XIRP2: variants seen among roughly 807,000 people sequenced by gnomAD.
The protein encoded by XIRP2 is xin actin-binding repeat-containing protein 2.
XIRP2 carries 236 observed loss-of-function variants against 277.0 expected under a neutral mutation model. The observed-to-expected ratio is 0.85, with a 90% CI of 0.77 to 0.95. The LOEUF (loss-of-function observed/expected upper bound fraction) is 0.95. XIRP2 is among the 40% of genes least tolerant of loss of function. The probability of loss-of-function intolerance (pLI) is 0.00; values close to 1 mark genes in which losing one functional copy is unlikely to be tolerated. For synonymous variants in XIRP2, 1,490 were observed against 1,416.5 expected (o/e 1.05, Z -1.17); for missense variants, 4,640 against 4,157.5 (o/e 1.12, Z -3.19).
intron 2 of XIRP2, among the ~76,000 whole-genome samples, chr2:167,122,169 C>G (rs1691074149): frequency 6.6e-6 from 1 of 152,146 alleles, no homozygotes; most frequent in Admixed American, 6.6e-5. Context: ...CCTCCCTGAA[C>G]AGTCTTTCTT....
chr2:166,934,240 T>C (rs1038894762), intron 2 of XIRP2, among the ~76,000 whole-genome samples: 4 of 149,862 alleles, frequency 2.7e-5, no homozygotes, highest in East Asian at 2.0e-4. Context: ...TCTCTCTTGC[T>C]TGCTTTGAAG....
At chr2:167,033,718 AATGGC>A (rs1212765068) in intron 2 of XIRP2, among the ~76,000 whole-genome samples, 1 of 152,158 alleles carries the variant, frequency 6.6e-6, no homozygotes, top group African/African-American at 2.4e-5. Flanking sequence ...GCCAAGAGAG[AATGGC>A]ATGACATATA....
At chr2:167,219,549 A>G (rs752578233) in intron 5 of XIRP2, among the ~76,000 whole-genome samples, 54 of 152,224 alleles carry the variant, frequency 3.5e-4, no homozygotes, top group Non-Finnish European at 7.3e-5. Flanking sequence ...GCTACTTTTC[A>G]GGGTTACACA....
chr2:167,105,788 C>T (rs1690602286), intron 2 of XIRP2, among the ~76,000 whole-genome samples: 2 of 151,894 alleles, frequency 1.3e-5, no homozygotes, highest in Admixed American at 1.3e-4. Flanking sequence ...ATAAGTGATC[C>T]AGTTTTTCCA....
intron 2 of XIRP2, among the ~76,000 whole-genome samples, chr2:167,099,154 C>G (rs187660002): frequency 3.3e-5 from 5 of 152,294 alleles, no homozygotes; most frequent in Admixed American, 6.5e-5. Flanking sequence ...GGAGGTTTAT[C>G]TATAAGCTCC....
At chr2:167,134,419 AT>A (rs1691480674) in intron 2 of XIRP2, among the ~76,000 whole-genome samples, 1 of 151,992 alleles carries the variant, frequency 6.6e-6, no homozygotes, top group Non-Finnish European at 1.5e-5. Flanking sequence ...TTTTCTAACC[AT>A]AGCAAAGACA....
intron 2 of XIRP2, among the ~76,000 whole-genome samples, chr2:166,962,507 A>ATTATGTATGAGG (rs1391986776): frequency 6.6e-6 from 1 of 151,742 alleles, no homozygotes; most frequent in Non-Finnish European, 1.5e-5. Context: ...TACATCTATA[A>ATTATGTATGAGG]CAGCAAATTA....
chr2:167,007,789 T>C (rs1408391841), intron 2 of XIRP2, among the ~76,000 whole-genome samples: 4 of 150,712 alleles, frequency 2.7e-5, no homozygotes, highest in Admixed American at 6.7e-5. Flanking sequence ...CAGAATCTAA[T>C]AGAAGATATA....
In XIRP2 at chr2:167,245,092, G is replaced by A. The variant is rs1328014586; in HGVS notation, c.3700G>A (p.Gly1234Ser). 1 of 1,610,278 alleles carries A rather than the reference G, an allele frequency of 6.2e-7. No individual in the cohort carries two copies. Among genetic ancestry groups the A allele is most frequent in the South Asian group, 1.1e-5 (1 of 90,046 alleles). ...CTTAAAAACTGAAGATATTCAGAAA[G>A]GCAATGTTTTAAATTGTAGGTGGCT... ...KTLKTEDIQK[G>S]NVLNCRWLFE... Residue 1234 changes from glycine (G) to serine (S), a missense_variant, in exon 9 of 11, where the codon GGC becomes AGC. Transcript: ENST00000409195.
intron 5 of XIRP2, among the ~76,000 whole-genome samples, chr2:167,237,424 G>A (rs185412509): frequency 1.3e-5 from 2 of 151,798 alleles, no homozygotes; most frequent in Non-Finnish European, 2.9e-5. Context: ...TACCAGACAA[G>A]TTTTGTTGCT....
intron 2 of XIRP2, among the ~76,000 whole-genome samples, chr2:166,964,696 T>G (rs1171244533): frequency 6.6e-6 from 1 of 151,924 alleles, no homozygotes; most frequent in Non-Finnish European, 1.5e-5. Flanking sequence ...CCTCGAATTT[T>G]GTTGTATTTG....
intron 2 of XIRP2, among the ~76,000 whole-genome samples, chr2:166,932,494 T>C (rs1456737454): frequency 6.6e-6 from 1 of 152,202 alleles, no homozygotes; most frequent in East Asian, 1.9e-4. Context: ...GGATTACAGG[T>C]ATGAGCCATG....
intron 3 of XIRP2, among the ~76,000 whole-genome samples, chr2:167,192,162 CA>C (rs1371637246): frequency 6.6e-6 from 1 of 151,566 alleles, no homozygotes; most frequent in African/African-American, 2.4e-5. Context: ...TTTTGAATAG[CA>C]ATACTATACT....
Position 167,243,115 on chromosome 2 carries a change from C to T in XIRP2, c.1723C>T (p.Gln575Ter). ...GGATGAAATTCTGAAGGGAGAGGTG[C>T]AGTCCATTAGATGGATCTTTGAGAA... ...EWDEILKGEV[Q>*]SIRWIFENQP... The change falls in exon 9 of 11, where the codon CAG becomes TAG. Residue 575 changes from glutamine (Q) to a stop codon, truncating the protein, a stop_gained. Coordinates refer to ENST00000409195, the MANE Select transcript of XIRP2 (RefSeq NM_152381.6). LOFTEE classifies it high-confidence loss of function. 5.0e-6 allele frequency: 8 copies of T among 1,614,042 alleles called. No individual in the cohort carries two copies. Among genetic ancestry groups the T allele is most frequent in the Non-Finnish European group, 5.1e-6 (6 of 1,179,972 alleles).
intron 3 of XIRP2, among the ~76,000 whole-genome samples, chr2:167,153,926 T>C (rs1188866260): frequency 1.3e-5 from 2 of 151,508 alleles, no homozygotes; most frequent in African/African-American, 4.9e-5. Context: ...ATATACCCAG[T>C]AATGGGATGG....
At chr2:166,986,820 CA>C (rs761342240) in intron 2 of XIRP2, among the ~76,000 whole-genome samples, 4 of 152,208 alleles carry the variant, frequency 2.6e-5, no homozygotes, top group South Asian at 2.1e-4. Flanking sequence ...AGAGGATGCA[CA>C]GCATAAATAT....
chr2:167,258,937 A>C lies in XIRP2; in HGVS notation c.*1120A>C, dbSNP rs780283602. 6 of 1,613,032 alleles carry C rather than the reference A, an allele frequency of 3.7e-6. No individual in the cohort carries two copies. The African/African-American group carries it at 6.7e-5, about 18-fold the overall frequency. ...CTGGCAGTCCTGTGCAGCCTGCTCC[A>C]AAACCAAGCCTCAGCAGAGGCCTTA... On this transcript the variant is annotated 3_prime_UTR_variant, in exon 11 of 11. Transcript: ENST00000409195.
intron 3 of XIRP2, among the ~76,000 whole-genome samples, chr2:167,191,548 A>G (rs1693336197): frequency 6.6e-6 from 1 of 151,466 alleles, no homozygotes; most frequent in African/African-American, 2.4e-5. Flanking sequence ...TTTGCATTTC[A>G]TGTTTCTCTT....
At chr2:167,008,768 CT>C (rs1340116409) in intron 2 of XIRP2, among the ~76,000 whole-genome samples, 2 of 151,418 alleles carry the variant, frequency 1.3e-5, no homozygotes, top group Non-Finnish European at 3.0e-5. Flanking sequence ...AACTTTTTAG[CT>C]GTGTTAATGT....
Sources: gnomAD v4.1 joint callset for allele counts (sites outside exome capture counted in the v4.1 genomes callset) on GRCh38, gnomAD v4.1.1 for gene constraint, MANE v1.5 for transcripts, NCBI Gene and HGNC (gene_info 2026-07-23, HGNC 2026-07-21) for gene names.